The following BIRC6 variants were observed in gnomAD, a reference collection of about 807,000 sequenced individuals.
The protein encoded by BIRC6 is dual E2 ubiquitin-conjugating enzyme/E3 ubiquitin-protein ligase BIRC6.
Under a neutral mutation model 503.3 loss-of-function variants are expected in BIRC6, and 98 were observed. That is an observed-to-expected ratio of 0.19 (90% CI 0.17 to 0.23). The LOEUF is 0.23. Among genes scored for constraint, BIRC6 ranks in the 10% least tolerant of loss-of-function variants. The pLI, the probability that BIRC6 is intolerant of heterozygous loss-of-function variation, is 1.00. For missense variants in BIRC6, 5,360 were observed against 5,806.0 expected (o/e 0.92, Z 2.50); for synonymous variants, 2,240 against 2,078.7 (o/e 1.08, Z -2.11).
intron 1 of BIRC6, among the ~76,000 whole-genome samples, chr2:32,363,396 T>C (rs2034414936): frequency 6.6e-6 from 1 of 152,192 alleles, no homozygotes; most frequent in African/African-American, 2.4e-5. Flanking sequence ...TATTCAGTTT[T>C]TGGACTTAAA....
chr2:32,601,004 A>G (rs192214306), intron 70 of BIRC6, among the ~76,000 whole-genome samples: 22 of 152,346 alleles, frequency 1.4e-4, no homozygotes, highest in Admixed American at 1.2e-3. Flanking sequence ...AACTTTAAAG[A>G]AAAATAGCAA....
chr2:32,502,307 T>G (rs756407446), intron 47 of BIRC6, among the ~76,000 whole-genome samples: 2 of 152,102 alleles, frequency 1.3e-5, no homozygotes, highest in African/African-American at 4.8e-5. Context: ...TTAAAGAAAA[T>G]AGGTTACAAA....
chr2:32,393,938 C>T (rs1223580633), intron 5 of BIRC6, among the ~76,000 whole-genome samples: 1 of 129,010 alleles, frequency 7.8e-6, no homozygotes, highest in Admixed American at 8.5e-5. Flanking sequence ...TAAAATTAAA[C>T]CAGAAAACTA....
intron 67 of BIRC6, 119 bp downstream of exon 67, chr2:32,594,179 C>T: frequency 8.5e-7 from 1 of 1,176,832 alleles, no homozygotes; most frequent in Non-Finnish European, 1.2e-6. Flanking sequence ...AGTTCATTTA[C>T]CTAAAAATTT....
At chr2:32,566,037 A>G (rs1172865346) in intron 65 of BIRC6, 1 of 151,844 alleles carries the variant, frequency 6.6e-6, no homozygotes, top group Non-Finnish European at 1.5e-5. Flanking sequence ...TGTTTTTGTT[A>G]TTTGTGTTTT....
Position 32,490,136 on chromosome 2 carries a change from A to G in BIRC6, c.8191A>G (p.Asn2731Asp), listed in dbSNP as rs762034764. The G allele has an allele frequency of 6.2e-7, 1 of 1,604,980 alleles. No individual in the cohort carries two copies. Among genetic ancestry groups the G allele is most frequent in the Non-Finnish European group, 8.5e-7 (1 of 1,171,696 alleles). Residue 2731 changes from asparagine to aspartate, a missense_variant, in exon 43 of 74, where the codon AAC (asparagine) becomes GAC (aspartate). By Grantham distance (23) the Asn-to-Asp change is conservative. Around this residue, in one of 16 missense-constraint regions of BIRC6, gnomAD observed 2,299 missense variants for 2,267.2 expected, o/e 1.01. Coordinates refer to ENST00000421745, the MANE Select transcript of BIRC6 (RefSeq NM_016252.4). ...LVLHSLTLMT[N>D]MQLNSGSSSA... Reference sequence around the variant, plus strand: ...GCTTCATAGCCTAACACTCATGACAAACATGCAGCTTAATTGTAAGTTCAT... The same window carrying G: ...GCTTCATAGCCTAACACTCATGACAGACATGCAGCTTAATTGTAAGTTCAT...
intron 26 of BIRC6, among the ~76,000 whole-genome samples, chr2:32,466,073 A>C (rs932410344): frequency 5.9e-5 from 9 of 152,142 alleles, no homozygotes; most frequent in African/African-American, 1.9e-4. Context: ...CCTGAGGAGG[A>C]TAACTATGTT....
intron 68 of BIRC6, among the ~76,000 whole-genome samples, chr2:32,597,452 T>C (rs1354888577): frequency 6.6e-6 from 1 of 152,212 alleles, no homozygotes; most frequent in Non-Finnish European, 1.5e-5. Context: ...TGATATAAAA[T>C]TTTCCCACTG....
intron 21 of BIRC6, among the ~76,000 whole-genome samples, chr2:32,447,129 T>C (rs1379864063): frequency 6.7e-6 from 1 of 149,490 alleles, no homozygotes; most frequent in African/African-American, 2.5e-5. Flanking sequence ...CAGAACAAAA[T>C]GAAAAGTCTC....
chr2:32,380,785 GT>G (rs1231446132), intron 3 of BIRC6, among the ~76,000 whole-genome samples: 4 of 152,168 alleles, frequency 2.6e-5, no homozygotes, highest in Non-Finnish European at 5.9e-5. Flanking sequence ...CTTAACTTCA[GT>G]TTGTGGGAAC....
chr2:32,462,884 C>T (rs575622583), intron 23 of BIRC6, among the ~76,000 whole-genome samples: 19 of 150,164 alleles, frequency 1.3e-4, no homozygotes, highest in East Asian at 3.9e-4. Flanking sequence ...TGAACCCAGA[C>T]GTGGAGGTTG....
At chr2:32,514,962 C>A (rs752051050) in intron 54 of BIRC6, 28 bp from the exon 55 acceptor site, 2 of 1,521,668 alleles carry the variant, frequency 1.3e-6, no homozygotes, top group Non-Finnish European at 1.8e-6. Flanking sequence ...ATACTTGTAT[C>A]ATTAATATGA....
chr2:32,495,800 T>TTG (rs1268314164), intron 45 of BIRC6, among the ~76,000 whole-genome samples: 1 of 149,962 alleles, frequency 6.7e-6, no homozygotes, highest in African/African-American at 2.4e-5. Flanking sequence ...GTTTTTTTTT[T>TTG]TTTTTTTTTT....
At chr2:32,455,648 A>G (rs1574335441) in intron 23 of BIRC6, among the ~76,000 whole-genome samples, 1 of 152,154 alleles carries the variant, frequency 6.6e-6, no homozygotes, top group Non-Finnish European at 1.5e-5. Flanking sequence ...GAAATTAAGT[A>G]TCCTGGATTT....
chr2:32,496,398 A>G (rs2052476942), intron 45 of BIRC6, among the ~76,000 whole-genome samples: 1 of 151,608 alleles, frequency 6.6e-6, no homozygotes, highest in African/African-American at 2.4e-5. Context: ...TAATTTTTGT[A>G]TTTTCAGTAG....
At chr2:32,479,282 A>G (rs2050117306) in intron 36 of BIRC6, among the ~76,000 whole-genome samples, 180 bp from the exon 37 acceptor site, 1 of 152,246 alleles carries the variant, frequency 6.6e-6, no homozygotes, top group African/African-American at 2.4e-5. Context: ...CTAGCATTTG[A>G]AAGTAATGGA....
At chr2:32,437,563 T>C (rs555062904) in intron 15 of BIRC6, among the ~76,000 whole-genome samples, 2 of 152,342 alleles carry the variant, frequency 1.3e-5, no homozygotes, top group South Asian at 4.1e-4. Flanking sequence ...GTATCCCTTA[T>C]CTGAAATGCT....
At chr2:32,543,962 C>T (rs1279577201) in intron 62 of BIRC6, among the ~76,000 whole-genome samples, 1 of 152,102 alleles carries the variant, frequency 6.6e-6, no homozygotes, top group Non-Finnish European at 1.5e-5. Flanking sequence ...TACTACTCAG[C>T]AATGTGAATG....
chr2:32,515,779 A>G lies in BIRC6; in HGVS notation c.11349+9A>G. 1.3e-6 allele frequency: 2 copies of G among 1,580,482 alleles called. No homozygotes were observed. The highest frequency in any genetic ancestry group is 1.7e-6 in the Non-Finnish European group (2 of 1,170,952). ...AAAAGCTGATGGCACAGGTAAGACAAAAAAATAACTTACATTTTAGTTGTT... is the reference window on the plus strand; with the variant it reads ...AAAAGCTGATGGCACAGGTAAGACAGAAAAATAACTTACATTTTAGTTGTT... On this transcript the variant is annotated intron_variant, in intron 55 of 73. Transcript: ENST00000421745.
Sources: gnomAD v4.1 joint callset for allele counts (sites outside exome capture counted in the v4.1 genomes callset) on GRCh38, gnomAD v4.1.1 for gene constraint, gnomAD v4.1.1 regional missense constraint, MANE v1.5 for transcripts, NCBI Gene and HGNC (gene_info 2026-07-23, HGNC 2026-07-21) for gene names.